ELAC2: variants seen among roughly 807,000 people sequenced by gnomAD.
ELAC2 encodes the protein zinc phosphodiesterase ELAC protein 2.
ELAC2 carries 92 observed loss-of-function variants against 105.2 expected under a neutral mutation model. The ratio of observed to expected loss-of-function variants is 0.87; its 90% CI spans 0.74 to 1.04. ELAC2 has a LOEUF of 1.04. Among genes scored for constraint, ELAC2 ranks in the 50% least tolerant of loss-of-function variants. ELAC2 has a pLI of 0.00. For missense variants in ELAC2, 1,099 were observed against 1,071.7 expected (o/e 1.03, Z -0.36); for synonymous variants, 468 against 409.1 (o/e 1.14, Z -1.74).
intron 19 of ELAC2, 71 bp downstream of exon 19, chr17:12,995,632 T>TC (rs2040429915): frequency 6.9e-7 from 1 of 1,442,964 alleles, no homozygotes; most frequent in Non-Finnish European, 9.5e-7. Flanking sequence ...TACCCCAGTG[T>TC]CCACCTTGAG....
In ELAC2 at chr17:13,003,953, G is replaced by A. The variant is rs975505069; in HGVS notation, c.984-379C>T. The A allele has an allele frequency of 2.2e-4, 55 of 250,450 alleles. 1 individual carries two copies. The highest frequency in any genetic ancestry group is 9.1e-4 in the African/African-American group (41 of 44,876). 15.5% of individuals were successfully genotyped at this position (250,450 alleles called of 1,614,324 possible). On this transcript the variant is annotated intron_variant, in intron 11 of 23. Coordinates refer to ENST00000338034, the MANE Select transcript of ELAC2 (RefSeq NM_018127.7). ...TCCTCTCTCACAGTCAAATTTCCTC[G>A]AATAAACCTCCTGCACCTCCAATGC...
intron 17 of ELAC2, 200 bp downstream of exon 17, chr17:12,996,347 G>A (rs2040467882): frequency 1.3e-6 from 1 of 768,154 alleles, no homozygotes; most frequent in Admixed American, 2.1e-5. Flanking sequence ...TGCAGGAAAG[G>A]AACTGAACAG....
At chr17:12,996,018 G>C in intron 17 of ELAC2, 40 bp from the exon 18 acceptor site, 1 of 1,570,932 alleles carries the variant, frequency 6.4e-7, no homozygotes, top group South Asian at 1.2e-5. Flanking sequence ...CCAGGCCCCA[G>C]GGCCATCCCC....
chr17:13,001,489 T>C (rs1481227326), intron 14 of ELAC2, among the ~76,000 whole-genome samples: 2 of 151,676 alleles, frequency 1.3e-5, no homozygotes, highest in South Asian at 2.1e-4. Context: ...TGAAACTCCG[T>C]CTCAAAAAAA....
intron 6 of ELAC2, among the ~76,000 whole-genome samples, chr17:13,012,739 A>G (rs550359829): frequency 3.3e-5 from 5 of 152,130 alleles, no homozygotes; most frequent in Non-Finnish European, 5.9e-5. Flanking sequence ...GGACAAGACT[A>G]ACTCTTTTCC....
At chr17:13,014,964 A>G (rs548947902) in intron 4 of ELAC2, among the ~76,000 whole-genome samples, 318 of 152,342 alleles carry the variant, frequency 2.1e-3, no homozygotes, top group African/African-American at 7.0e-3. Context: ...TTAGAGGGAC[A>G]TAAGAGTCAG....
Position 12,991,986 on chromosome 17 carries a change from G to T in ELAC2, c.*832C>A, listed in dbSNP as rs75672837. Among the ~76,000 whole-genome samples, 724 of 152,228 alleles carry T rather than the reference G, an allele frequency of 4.8e-3. 8 individuals carry two copies. The highest frequency in any genetic ancestry group is 0.017 in the African/African-American group (690 of 41,520). On this transcript the variant is annotated 3_prime_UTR_variant, in exon 24 of 24. Transcript: ENST00000338034. ...CCGTGTGCCATTTCTCAAAACCTTC[G>T]AGGGCAAAGTGATCCTCACTCCTCT...
rs1215487290 is a variant in ELAC2, at chr17:13,014,315, C to CAAA, written c.490+123_490+124insTTT. 6.0e-6 allele frequency: 3 copies of CAAA among 497,546 alleles called. No individual in the cohort carries two copies. The African/African-American group carries it at 6.9e-5, about 11-fold the overall frequency. The allele number at this position is 497,546 out of a possible 1,614,324, so 30.8% of individuals were successfully genotyped here. ...CAAAAAAAAAAAAAAAAAAAAAAAT[C>CAAA]TCGTGGTGATGAAGCATTTGATTTT... On this transcript the variant is annotated intron_variant, in intron 5 of 23. Transcript: ENST00000338034.
At chr17:13,017,017 C>G (rs1295184962) in intron 2 of ELAC2, 54 bp downstream of exon 2, 3 of 1,612,108 alleles carry the variant, frequency 1.9e-6, no homozygotes, top group Admixed American at 1.7e-5. Context: ...CCTCTCATTT[C>G]GGCTTTCAAG....
At chr17:12,996,054 C>T (rs2040452925) in intron 17 of ELAC2, 76 bp from the exon 18 acceptor site, 1 of 1,510,916 alleles carries the variant, frequency 6.6e-7, no homozygotes, top group African/African-American at 1.4e-5. Flanking sequence ...GCAGCCCTCT[C>T]TCTTGCAGGA....
At chr17:12,998,607 G>T in intron 15 of ELAC2, 99 bp from the exon 16 acceptor site, 2 of 1,157,506 alleles carry the variant, frequency 1.7e-6, no homozygotes, top group Non-Finnish European at 2.6e-6. Flanking sequence ...TCATTGGTTT[G>T]TCCCCAGACC....
chr17:13,003,691 A>G (rs2040952017), intron 11 of ELAC2, 117 bp from the exon 12 acceptor site: 1 of 872,402 alleles, frequency 1.1e-6, no homozygotes, highest in South Asian at 1.4e-5. Context: ...GTGAGCTGAC[A>G]GCCTCCACGC....
At chr17:13,014,632 C>T in intron 4 of ELAC2, 136 bp from the exon 5 acceptor site, 1 of 728,684 alleles carries the variant, frequency 1.4e-6, no homozygotes, top group Non-Finnish European at 2.5e-6. Flanking sequence ...TCATTTATTA[C>T]AAATATTTAC....
At chr17:12,994,645 G>A in intron 21 of ELAC2, 119 bp downstream of exon 21, 1 of 1,598,712 alleles carries the variant, frequency 6.3e-7, no homozygotes, top group Non-Finnish European at 8.6e-7. Flanking sequence ...GAGACTCTGA[G>A]GGTGGGGACC....
rs530546046 is a variant in ELAC2 at position 12,995,122 on chromosome 17, A to G, written c.1809-60T>C. ...ACGTTTCTTGGACATCTGGAACCAA[A>G]GTTTAAGTCTTTGGCTGGAGAACCC... is the stretch of plus-strand genomic sequence containing the variant. On this transcript the variant is annotated intron_variant, in intron 19 of 23. Transcript: ENST00000338034. 7 of 1,573,186 alleles carry G rather than the reference A, an allele frequency of 4.4e-6. No individual in the cohort carries two copies. The African/African-American group carries it at 9.4e-5, about 21-fold the overall frequency.
At chr17:13,014,624 AT>A in intron 4 of ELAC2, 128 bp from the exon 5 acceptor site, 1 of 755,446 alleles carries the variant, frequency 1.3e-6, no homozygotes, top group Non-Finnish European at 2.4e-6. Flanking sequence ...TTTGAACATC[AT>A]TTATTACAAA....
chr17:13,017,053 A>C lies in ELAC2; in HGVS notation c.296+18T>G. ...CCCCGTAATCAACTCCCCCTCCGAA[A>C]GCAAGAGACTGACTCACTTGTGCTC... On this transcript the variant is annotated intron_variant, in intron 2 of 23. Transcript: ENST00000338034. 6.2e-7 allele frequency: 1 copy of C among 1,614,082 alleles called. No individual in the cohort carries two copies. Among genetic ancestry groups the C allele is most frequent in the Non-Finnish European group, 8.5e-7 (1 of 1,179,984 alleles).
At chr17:12,993,518 C>G (rs1277511413) in intron 23 of ELAC2, among the ~76,000 whole-genome samples, 169 bp downstream of exon 23, 1 of 152,196 alleles carries the variant, frequency 6.6e-6, no homozygotes, top group Non-Finnish European at 1.5e-5. Flanking sequence ...GGAGGTGGGT[C>G]TCACCAGCAA....
chr17:13,013,119 C>T (rs1273665466), intron 6 of ELAC2, 88 bp downstream of exon 6: 29 of 1,465,562 alleles, frequency 2.0e-5, no homozygotes, highest in Non-Finnish European at 2.6e-5. Context: ...AGGGTGCCCA[C>T]AGCAAGTGTT....
Sources: gnomAD v4.1 joint callset for allele counts (sites outside exome capture counted in the v4.1 genomes callset) on GRCh38, gnomAD v4.1.1 for gene constraint, MANE v1.5 for transcripts, NCBI Gene and HGNC (gene_info 2026-07-23, HGNC 2026-07-21) for gene names.